SHE: variants seen among roughly 807,000 people sequenced by gnomAD.
SHE encodes the protein SH2 domain-containing adapter protein E.
A neutral mutation model predicts 49.8 loss-of-function variants in SHE; 11 were observed. The ratio of observed to expected loss-of-function variants is 0.22; its 90% CI spans 0.14 to 0.37. The LOEUF (loss-of-function observed/expected upper bound fraction) is 0.37, where lower values mean the gene tolerates loss of function less well. SHE is among the 10% of genes least tolerant of loss of function. The pLI is 1.00. For synonymous variants in SHE, 310 were observed against 278.1 expected (o/e 1.11, Z -1.14); for missense variants, 624 against 655.5 (o/e 0.95, Z 0.52).
chr1:154,477,840 G>C (rs1214966564), downstream of SHE, among the ~76,000 whole-genome samples: 1 of 144,200 alleles, frequency 6.9e-6, no homozygotes, highest in African/African-American at 2.6e-5. Flanking sequence ...GCAGTGAGTT[G>C]AGATTGCACC....
Position 154,483,550 on chromosome 1 carries a change from G to C in SHE, c.*599C>G. ...AGAACTCTGATGCTCCTGAACTCCT[G>C]ACTTAACCTTCCTGAGGGTCACACC... On this transcript the variant is annotated 3_prime_UTR_variant, in exon 6 of 6. Coordinates refer to ENST00000304760, the MANE Select transcript of SHE (RefSeq NM_001010846.3). 1.0e-6 allele frequency: 1 copy of C among 985,438 alleles called. No homozygotes were observed. The highest frequency in any genetic ancestry group is 1.2e-6 in the Non-Finnish European group (1 of 830,014). 61.0% of individuals were successfully genotyped at this position (985,438 alleles called of 1,614,324 possible).
In SHE at chr1:154,486,074, G is replaced by A; in HGVS notation, c.1182-12C>T. ...CACCATGATACCAGCTGAAAAATGGGGGTGGAAGAGGGGAAAGCACCATGA... is the reference window on the plus strand; with the variant it reads ...CACCATGATACCAGCTGAAAAATGGAGGTGGAAGAGGGGAAAGCACCATGA... On this transcript the variant is annotated splice_polypyrimidine_tract_variant and intron_variant, in intron 4 of 5. Coordinates refer to ENST00000304760, the MANE Select transcript of SHE (RefSeq NM_001010846.3). 1 of 1,608,678 alleles carries A rather than the reference G, an allele frequency of 6.2e-7. No homozygotes were observed. The highest frequency in any genetic ancestry group is 8.5e-7 in the Non-Finnish European group (1 of 1,175,586).
At chr1:154,492,715 A>G (rs983301842) in intron 2 of SHE, among the ~76,000 whole-genome samples, 1 of 152,218 alleles carries the variant, frequency 6.6e-6, no homozygotes, top group Non-Finnish European at 1.5e-5. Flanking sequence ...AAGAACTAAG[A>G]AAAGGGAAGC....
At chr1:154,475,749 C>A (rs897011330), downstream of SHE, among the ~76,000 whole-genome samples, 4 of 152,092 alleles carry the variant, frequency 2.6e-5, no homozygotes, top group Non-Finnish European at 5.9e-5. Context: ...ATTGTTGATG[C>A]TGGGTGATGG....
In SHE at chr1:154,482,618, C is replaced by T; in HGVS notation, c.*1531G>A. 3.0e-6 allele frequency: 3 copies of T among 985,432 alleles called. No homozygotes were observed. Among genetic ancestry groups the T allele is most frequent in the Non-Finnish European group, 3.6e-6 (3 of 829,934 alleles). The allele number at this position is 985,432 out of a possible 1,614,324, so 61.0% of individuals were successfully genotyped here. A position where few individuals can be genotyped will look rare whatever the true frequency, so the allele number is the denominator to read the frequency against. ...GACCCAAATGACCAACCCCAGAATA[C>T]AGACACATCTGCTGAATTTTAATTC... On this transcript the variant is annotated 3_prime_UTR_variant, in exon 6 of 6. Transcript: ENST00000304760.
At chr1:154,486,824 T>G in intron 3 of SHE, 141 bp from the exon 4 acceptor site, 3 of 860,352 alleles carry the variant, frequency 3.5e-6, no homozygotes, top group East Asian at 2.7e-5. Context: ...TACTGCAAAA[T>G]ACCCTGGCTA....
chr1:154,485,710 A>G (rs1445865844), intron 5 of SHE: 2 of 461,450 alleles, frequency 4.3e-6, no homozygotes, highest in African/African-American at 3.8e-5. Context: ...CTAATGCACA[A>G]AGATAATGCA....
intron 1 of SHE, among the ~76,000 whole-genome samples, chr1:154,472,728 T>A (rs1273272000): frequency 3.3e-5 from 5 of 152,144 alleles, no homozygotes; most frequent in African/African-American, 9.7e-5. Context: ...AGAGGTAAGA[T>A]TCACAGCAAC....
chr1:154,486,103 T>G (rs956279237), intron 4 of SHE, 41 bp from the exon 5 acceptor site: 1 of 1,597,216 alleles, frequency 6.3e-7, no homozygotes, highest in Non-Finnish European at 8.6e-7. Flanking sequence ...ACCATGAGTG[T>G]CAAAATACAA....
Position 154,480,441 on chromosome 1 carries a change from C to G in SHE, c.*3708G>C, listed in dbSNP as rs1410416318. On this transcript the variant is annotated 3_prime_UTR_variant, in exon 6 of 6. Transcript: ENST00000304760. ...TATTCTTCTGAATATCAAGATGCAT[C>G]CAGTAACAACAGCCAATAACAGACT... The G allele has an allele frequency of 1.0e-6, 1 of 985,290 alleles. No homozygotes were observed. Among genetic ancestry groups the G allele is most frequent in the Non-Finnish European group, 1.2e-6 (1 of 829,928 alleles). The allele number at this position is 985,290 out of a possible 1,614,324, so 61.0% of individuals were successfully genotyped here.
chr1:154,486,967 A>T (rs1692198081), intron 3 of SHE, among the ~76,000 whole-genome samples: 1 of 152,170 alleles, frequency 6.6e-6, no homozygotes, highest in Non-Finnish European at 1.5e-5. Flanking sequence ...TTCAACATGG[A>T]CTTTTAAAAA....
downstream of SHE, among the ~76,000 whole-genome samples, chr1:154,476,113 A>G (rs1691870215): frequency 6.6e-6 from 1 of 152,206 alleles, no homozygotes; most frequent in Non-Finnish European, 1.5e-5. Flanking sequence ...TGGGAGGCTG[A>G]GTCAGGATGA....
chr1:154,486,046 T>C lies in SHE; in HGVS notation c.1198A>G (p.Ile400Val). Residue 400 changes from isoleucine to valine, a missense_variant, in exon 5 of 6, where the codon ATC (isoleucine) becomes GTC (valine). This residue lies in a region of SHE where 125 missense variants were observed against 181.7 expected (regional missense o/e 0.69). Coordinates refer to ENST00000304760, the MANE Select transcript of SHE (RefSeq NM_001010846.3). Reference sequence around the variant, plus strand: ...CGACTCTCAGCCTCAGCACGGCTGATGGCACCATGATACCAGCTGAAAAAT... The same window carrying C: ...CGACTCTCAGCCTCAGCACGGCTGACGGCACCATGATACCAGCTGAAAAAT... ...LEKQPWYHGA[I>V]SRAEAESRLQ... is the part of the protein sequence containing the mutation. 1.2e-6 allele frequency: 2 copies of C among 1,613,432 alleles called. No homozygotes were observed. The highest frequency in any genetic ancestry group is 1.7e-6 in the Non-Finnish European group (2 of 1,179,376).
Position 154,483,972 on chromosome 1 carries a change from T to G in SHE, c.*177A>C. ...AAGATTGCGCCATTGCACTCCAGCC[T>G]GGGCAACACAGCGAGACTTCGTCTC... On this transcript the variant is annotated 3_prime_UTR_variant, in exon 6 of 6. Transcript: ENST00000304760. The G allele has an allele frequency of 7.1e-7, 1 of 1,406,912 alleles. No homozygotes were observed. Among genetic ancestry groups the G allele is most frequent in the South Asian group, 1.6e-5 (1 of 61,618 alleles). The allele number at this position is 1,406,912 out of a possible 1,614,324, so 87.2% of individuals were successfully genotyped here.
rs538121831 is a variant in SHE at position 154,479,623 on chromosome 1, G to A, written c.*4526C>T. ...TTAAATTACTAAGGCACTATAGATAGACACCTATATTACATACAATCTTCA... is the reference window on the plus strand; with the variant it reads ...TTAAATTACTAAGGCACTATAGATAAACACCTATATTACATACAATCTTCA... On this transcript the variant is annotated 3_prime_UTR_variant, in exon 6 of 6. Coordinates refer to ENST00000304760, the MANE Select transcript of SHE (RefSeq NM_001010846.3). 6.3e-6 allele frequency: 6 copies of A among 959,544 alleles called. No homozygotes were observed. The South Asian group carries it at 2.9e-4, about 46-fold the overall frequency. The allele number at this position is 959,544 out of a possible 1,614,324, so 59.4% of individuals were successfully genotyped here.
intron 2 of SHE, among the ~76,000 whole-genome samples, chr1:154,492,809 C>T (rs773643231): frequency 3.9e-5 from 6 of 152,210 alleles, no homozygotes; most frequent in Non-Finnish European, 8.8e-5. Context: ...TTGAGACCAT[C>T]TGGCACAGGC....
At chr1:154,486,430 C>T in intron 4 of SHE, 97 bp downstream of exon 4, 1 of 1,499,678 alleles carries the variant, frequency 6.7e-7, no homozygotes, top group Non-Finnish European at 9.0e-7. Context: ...TGTTCATTAA[C>T]AAAAATAATC....
chr1:154,472,403 G>C (rs1691767199), intron 1 of SHE, among the ~76,000 whole-genome samples: 1 of 152,198 alleles, frequency 6.6e-6, no homozygotes, highest in Non-Finnish European at 1.5e-5. Context: ...CACCCTCAGG[G>C]ATTCCAGTTC....
At position 154,479,889 on chromosome 1, in the gene SHE, C is replaced by T; in HGVS notation, c.*4260G>A. On this transcript the variant is annotated 3_prime_UTR_variant, in exon 6 of 6. Transcript: ENST00000304760. ...CCTTTCCGCAGGAAAGGGCATTTTTCAAGATGGCAACTGCTGTGTCATCAT... is the reference window on the plus strand; with the variant it reads ...CCTTTCCGCAGGAAAGGGCATTTTTTAAGATGGCAACTGCTGTGTCATCAT... 2 of 985,422 alleles carry T rather than the reference C, an allele frequency of 2.0e-6. No homozygotes were observed. The highest frequency in any genetic ancestry group is 2.4e-6 in the Non-Finnish European group (2 of 829,930). The allele number at this position is 985,422 out of a possible 1,614,324, so 61.0% of individuals were successfully genotyped here.
Sources: gnomAD v4.1 joint callset for allele counts (sites outside exome capture counted in the v4.1 genomes callset) on GRCh38, gnomAD v4.1.1 for gene constraint, gnomAD v4.1.1 regional missense constraint, MANE v1.5 for transcripts, NCBI Gene and HGNC (gene_info 2026-07-23, HGNC 2026-07-21) for gene names.